The following ADCY2 variants were observed in gnomAD, a reference collection of about 807,000 sequenced individuals.
ADCY2 encodes the protein adenylate cyclase 2, also known as adenylate cyclase type 2.
ADCY2 carries 31 observed loss-of-function variants against 125.2 expected under a neutral mutation model. The observed-to-expected ratio is 0.25, with a 90% CI of 0.19 to 0.33. The LOEUF (loss-of-function observed/expected upper bound fraction) is 0.33, where lower values mean the gene tolerates loss of function less well. Among genes scored for constraint, ADCY2 ranks in the 10% least tolerant of loss-of-function variants. The probability of loss-of-function intolerance (pLI) is 1.00; values close to 1 mark genes in which losing one functional copy is unlikely to be tolerated. For missense variants in ADCY2, 904 were observed against 1,418.2 expected (o/e 0.64, Z 5.82); for synonymous variants, 512 against 548.4 (o/e 0.93, Z 0.93).
chr5:7,436,396 C>T lies in ADCY2; in HGVS notation c.408+21626C>T, dbSNP rs374633320. 3.9e-5 allele frequency among the ~76,000 whole-genome samples: 6 copies of T among 152,294 alleles called. No individual in the cohort carries two copies. In the East Asian group the frequency reaches 9.6e-4, roughly 24 times the overall value. ...TGCTGACTTCACATTCTATCTCTATCGTTGCCTTCTCCACCTTCATATCTG... is the reference window on the plus strand; with the variant it reads ...TGCTGACTTCACATTCTATCTCTATTGTTGCCTTCTCCACCTTCATATCTG... On this transcript the variant is annotated intron_variant, in intron 2 of 24. Coordinates refer to ENST00000338316, the MANE Select transcript of ADCY2 (RefSeq NM_020546.3).
chr5:7,814,625 CT>C (rs1442509238), intron 22 of ADCY2, among the ~76,000 whole-genome samples: 1 of 152,106 alleles, frequency 6.6e-6, no homozygotes, highest in Middle Eastern at 3.2e-3. Context: ...TTCCTCTCCC[CT>C]TTAGCTACCA....
chr5:7,787,909 A>C (rs1744131196), intron 19 of ADCY2, among the ~76,000 whole-genome samples: 1 of 152,128 alleles, frequency 6.6e-6, no homozygotes, highest in Non-Finnish European at 1.5e-5. Context: ...TTGCTGCCTT[A>C]ACTGCTCCCT....
chr5:7,503,998 A>G (rs1013300313), intron 2 of ADCY2, among the ~76,000 whole-genome samples: 3 of 152,166 alleles, frequency 2.0e-5, no homozygotes, highest in African/African-American at 7.2e-5. Flanking sequence ...GCAGAAAGCA[A>G]TCAGTGAAAG....
intron 4 of ADCY2, among the ~76,000 whole-genome samples, chr5:7,629,327 G>C (rs577454795): frequency 2.0e-5 from 3 of 150,878 alleles, no homozygotes; most frequent in South Asian, 2.1e-4. Context: ...AGGATTGGAG[G>C]GGGGGCACTG....
intron 2 of ADCY2, among the ~76,000 whole-genome samples, chr5:7,492,220 C>T (rs1332731406): frequency 1.3e-5 from 2 of 152,160 alleles, no homozygotes; most frequent in South Asian, 2.1e-4. Flanking sequence ...ATGCTGTGAC[C>T]ACAGGACAGG....
chr5:7,751,679 G>A (rs972303957), intron 15 of ADCY2, among the ~76,000 whole-genome samples: 2 of 152,160 alleles, frequency 1.3e-5, no homozygotes, highest in Non-Finnish European at 1.5e-5. Context: ...TCTTTGTACA[G>A]AAAGTATAGC....
chr5:7,777,748 AAGG>A (rs1743780459), intron 18 of ADCY2, among the ~76,000 whole-genome samples: 2 of 152,220 alleles, frequency 1.3e-5, no homozygotes, highest in African/African-American at 4.8e-5. Context: ...GCAGCGGAAA[AAGG>A]AGAAGTATGC....
rs186257111 is a variant in ADCY2, at chr5:7,716,451, G to T, written c.1623-706G>T. Among the ~76,000 whole-genome samples the T allele has an allele frequency of 7.9e-5, 12 of 152,306 alleles. No individual in the cohort carries two copies. In the East Asian group the frequency reaches 2.1e-3, roughly 27 times the overall value. ...AGTCAAAAGCTAATACATCTCCTAG[G>T]AGAGAAAGTTACTTTATCTCAAACA... On this transcript the variant is annotated intron_variant, in intron 11 of 24. Coordinates refer to ENST00000338316, the MANE Select transcript of ADCY2 (RefSeq NM_020546.3).
At chr5:7,510,327 G>A (rs1406855755) in intron 2 of ADCY2, among the ~76,000 whole-genome samples, 28 of 152,180 alleles carry the variant, frequency 1.8e-4, no homozygotes, top group Non-Finnish European at 4.4e-5. Flanking sequence ...AGAGCTGAAT[G>A]AATGATCCTT....
chr5:7,589,538 G>GA lies in ADCY2; in HGVS notation c.571-36629_571-36628insA, dbSNP rs1561112753. On this transcript the variant is annotated intron_variant, in intron 3 of 24. Coordinates refer to ENST00000338316, the MANE Select transcript of ADCY2 (RefSeq NM_020546.3). ...AAGAAAAGAAAGAGAAAGAAAGAAA[G>GA]GAGGGAGGGAAGGAGGAAGGAAGGA... Among the ~76,000 whole-genome samples the GA allele has an allele frequency of 4.4e-5, 6 of 136,718 alleles. No homozygotes were observed. The East Asian group carries it at 1.1e-3, about 24-fold the overall frequency. 89.7% of individuals were successfully genotyped at this position (136,718 alleles called of 152,430 possible). A position where few individuals can be genotyped will look rare whatever the true frequency, so the allele number is the denominator to read the frequency against.
intron 2 of ADCY2, among the ~76,000 whole-genome samples, chr5:7,466,790 ATAG>A (rs1742136190): frequency 6.6e-6 from 1 of 152,220 alleles, no homozygotes; most frequent in African/African-American, 2.4e-5. Context: ...AAAAAAAATA[ATAG>A]CAAGTAACAA....
intron 18 of ADCY2, among the ~76,000 whole-genome samples, chr5:7,782,014 T>A (rs1423508763): frequency 6.6e-6 from 1 of 152,186 alleles, no homozygotes; most frequent in East Asian, 1.9e-4. Flanking sequence ...GAAATCCAAG[T>A]GAAATCCAGA....
At chr5:7,480,812 T>C (rs1358194892) in intron 2 of ADCY2, among the ~76,000 whole-genome samples, 1 of 152,158 alleles carries the variant, frequency 6.6e-6, no homozygotes, top group Non-Finnish European at 1.5e-5. Context: ...ATGACAGAGA[T>C]ATAATTCTTT....
At chr5:7,728,335 T>C (rs1022046606) in intron 14 of ADCY2, among the ~76,000 whole-genome samples, 3 of 152,220 alleles carry the variant, frequency 2.0e-5, no homozygotes, top group Non-Finnish European at 1.5e-5. Flanking sequence ...AAGTGGTTTT[T>C]GATTACATGG....
intron 3 of ADCY2, among the ~76,000 whole-genome samples, chr5:7,593,172 A>G (rs1328647423): frequency 6.6e-6 from 1 of 152,158 alleles, no homozygotes; most frequent in African/African-American, 2.4e-5. Flanking sequence ...AAGTTTTAGA[A>G]TGAAGTAAAT....
chr5:7,606,994 G>A (rs1007129146), intron 3 of ADCY2, among the ~76,000 whole-genome samples: 3 of 152,132 alleles, frequency 2.0e-5, no homozygotes, highest in Admixed American at 2.0e-4. Flanking sequence ...CACCTGCCCT[G>A]CACATGCAGG....
intron 4 of ADCY2, among the ~76,000 whole-genome samples, chr5:7,629,528 G>A (rs1738247531): frequency 6.6e-6 from 1 of 152,284 alleles, no homozygotes; most frequent in African/African-American, 2.4e-5. Context: ...GAAAAATGTT[G>A]CTAGAGATTT....
At chr5:7,577,385 A>G (rs1438189919) in intron 3 of ADCY2, among the ~76,000 whole-genome samples, 3 of 152,218 alleles carry the variant, frequency 2.0e-5, no homozygotes, top group Non-Finnish European at 4.4e-5. Context: ...TGCACTAAAA[A>G]CAATTTTACT....
chr5:7,524,948 A>G lies in ADCY2; in HGVS notation c.570+4049A>G, dbSNP rs1002485701. Among the ~76,000 whole-genome samples, 4 of 152,004 alleles carry G rather than the reference A, an allele frequency of 2.6e-5. No individual in the cohort carries two copies. The East Asian group carries it at 5.8e-4, about 22-fold the overall frequency. On this transcript the variant is annotated intron_variant, in intron 3 of 24. Coordinates refer to ENST00000338316, the MANE Select transcript of ADCY2 (RefSeq NM_020546.3). ...TTTATTCATATCTATACAGTCTTGT[A>G]TTTTCCTATTTTATTAAATCAATTA... is the stretch of plus-strand genomic sequence containing the variant.
Sources: gnomAD v4.1 joint callset for allele counts (sites outside exome capture counted in the v4.1 genomes callset) on GRCh38, gnomAD v4.1.1 for gene constraint, MANE v1.5 for transcripts, NCBI Gene and HGNC (gene_info 2026-07-23, HGNC 2026-07-21) for gene names.